The following MGRN1 variants were observed in gnomAD, a reference collection of about 807,000 sequenced individuals.
MGRN1 encodes the protein mahogunin ring finger 1.
Under a neutral mutation model 69.2 loss-of-function variants are expected in MGRN1, and 29 were observed. The observed-to-expected ratio is 0.42, with a 90% CI of 0.31 to 0.57. The LOEUF is 0.57. MGRN1 is among the 20% of genes least tolerant of loss of function. The probability of loss-of-function intolerance (pLI) is 0.15; values close to 1 mark genes in which losing one functional copy is unlikely to be tolerated. For missense variants in MGRN1, 998 were observed against 796.2 expected (o/e 1.25, Z -3.05); for synonymous variants, 470 against 344.2 (o/e 1.37, Z -4.04).
In MGRN1 at chr16:4,664,711, G is replaced by T. The variant is rs1463902185; in HGVS notation, c.564G>T (p.Leu188=). ...ATTCTTGGCAACTCTCTCCTCAGCT[G>T]AACTTTGACCTGGACCGGGGCGTGT... The part of the protein sequence containing the change: ...IDFSEWKDDE[L]NFDLDRGVFP... The change falls in exon 6 of 17, where the codon CTG becomes CTT. Residue 188 remains leucine, a splice_region_variant and synonymous_variant. Transcript: ENST00000262370. The T allele has an allele frequency of 2.5e-6, 4 of 1,614,186 alleles. No homozygotes were observed. In the East Asian group the frequency reaches 8.9e-5, roughly 36 times the overall value.
At chr16:4,677,707 G>A (rs867119262) in intron 11 of MGRN1, 135 bp downstream of exon 11, 2 of 820,302 alleles carry the variant, frequency 2.4e-6, no homozygotes, top group African/African-American at 1.8e-5. Context: ...CCCCATGGAT[G>A]GCTGTGAGGC....
Position 4,689,386 on chromosome 16 carries a change from C to T in MGRN1, c.*478C>T, listed in dbSNP as rs145530786. On this transcript the variant is annotated 3_prime_UTR_variant, in exon 17 of 17. Coordinates refer to ENST00000262370, the MANE Select transcript of MGRN1 (RefSeq NM_015246.4). ...AGGAAACAGTGCCTGTCCACCCACCCTGCGTGTCACTGTGGCGGCCTGGCT... is the reference window on the plus strand; with the variant it reads ...AGGAAACAGTGCCTGTCCACCCACCTTGCGTGTCACTGTGGCGGCCTGGCT... 6.5e-6 allele frequency: 1 copy of T among 154,702 alleles called. No individual in the cohort carries two copies. The highest frequency in any genetic ancestry group is 2.4e-5 in the African/African-American group (1 of 41,552). 9.6% of individuals were successfully genotyped at this position (154,702 alleles called of 1,614,324 possible).
At chr16:4,637,345 G>A (rs1898354287) in intron 1 of MGRN1, among the ~76,000 whole-genome samples, 4 of 151,936 alleles carry the variant, frequency 2.6e-5, no homozygotes, top group East Asian at 1.9e-4. Context: ...CAGGAGAATC[G>A]CTTGAACCTG....
At chr16:4,642,593 G>A (rs2078185518) in intron 1 of MGRN1, among the ~76,000 whole-genome samples, 2 of 151,774 alleles carry the variant, frequency 1.3e-5, no homozygotes, top group African/African-American at 4.8e-5. Flanking sequence ...CAAAGTGCTG[G>A]GATTACAGGC....
chr16:4,630,104 C>G (rs940714242), intron 1 of MGRN1, among the ~76,000 whole-genome samples: 1 of 147,312 alleles, frequency 6.8e-6, no homozygotes, highest in African/African-American at 2.5e-5. Flanking sequence ...GTAATCCTAG[C>G]ACTTTGGGAG....
At chr16:4,654,897 G>T (rs1016395397) in intron 4 of MGRN1, among the ~76,000 whole-genome samples, 27 of 152,362 alleles carry the variant, frequency 1.8e-4, no homozygotes, top group African/African-American at 6.0e-4. Flanking sequence ...GCACTTTGGG[G>T]AGGAACAGGT....
At chr16:4,687,381 TGAA>T in intron 16 of MGRN1, 1 of 925,416 alleles carries the variant, frequency 1.1e-6, no homozygotes, top group South Asian at 4.9e-5. Flanking sequence ...CCCCTCTCTA[TGAA>T]AAATAAAAAA....
At position 4,681,706 on chromosome 16, in the gene MGRN1, C is replaced by G. The variant is rs1367458058; in HGVS notation, c.1288C>G (p.Leu430Val). ...SDGLSQASCPLAAIDHILDSS... is the reference protein window; with the variant it reads ...SDGLSQASCPVAAIDHILDSS... ...CGGCCTGTCCCAGGCCAGCTGTCCC[C>G]TCGCGGCTATCGACCACATCCTGGA... Residue 430 changes from leucine to valine, a missense_variant, in exon 13 of 17, where the codon CTC becomes GTC. Coordinates refer to ENST00000262370, the MANE Select transcript of MGRN1 (RefSeq NM_015246.4). The G allele has an allele frequency of 1.9e-6, 3 of 1,613,228 alleles. No homozygotes were observed. The African/African-American group carries it at 4.0e-5, about 22-fold the overall frequency.
chr16:4,657,102 A>C, intron 4 of MGRN1, 144 bp from the exon 5 acceptor site: 1 of 745,168 alleles, frequency 1.3e-6, no homozygotes. Context: ...CCACGTGGCC[A>C]TGTAGGCTGT....
intron 1 of MGRN1, among the ~76,000 whole-genome samples, chr16:4,637,072 T>C (rs1391967912): frequency 6.9e-6 from 1 of 144,428 alleles, no homozygotes; most frequent in Non-Finnish European, 1.5e-5. Flanking sequence ...TGAGTCAAGA[T>C]TGCGCCACTG....
At chr16:4,639,196 G>T (rs2078103626) in intron 1 of MGRN1, among the ~76,000 whole-genome samples, 2 of 152,252 alleles carry the variant, frequency 1.3e-5, no homozygotes, top group Admixed American at 1.3e-4. Flanking sequence ...AGTTGAGGAT[G>T]ATGCCTACTT....
At chr16:4,662,843 T>C (rs2078713311) in intron 5 of MGRN1, among the ~76,000 whole-genome samples, 1 of 152,134 alleles carries the variant, frequency 6.6e-6, no homozygotes, top group South Asian at 2.1e-4. Context: ...GGGCGGGTGC[T>C]TGGCTGCGGG....
At chr16:4,644,472 G>C (rs2141860219) in intron 1 of MGRN1, among the ~76,000 whole-genome samples, 1 of 151,878 alleles carries the variant, frequency 6.6e-6, no homozygotes, top group South Asian at 2.1e-4. Context: ...CACCACGCCT[G>C]GGTAATTTTG....
chr16:4,645,587 A>T (rs1364276358), intron 1 of MGRN1, among the ~76,000 whole-genome samples: 3 of 152,146 alleles, frequency 2.0e-5, no homozygotes, highest in Non-Finnish European at 2.9e-5. Flanking sequence ...GAGTGGAAAG[A>T]TTGGTTGGCA....
At chr16:4,656,858 C>T (rs894124779) in intron 4 of MGRN1, among the ~76,000 whole-genome samples, 11 of 151,600 alleles carry the variant, frequency 7.3e-5, no homozygotes, top group South Asian at 2.1e-4. Context: ...CCAGCCCAGG[C>T]GACAGAGCGA....
intron 4 of MGRN1, among the ~76,000 whole-genome samples, chr16:4,655,661 T>G (rs981092682): frequency 4.0e-5 from 6 of 148,424 alleles, no homozygotes; most frequent in African/African-American, 1.5e-4. Context: ...ACTGTCCCCC[T>G]CTCTCAGGAC....
intron 1 of MGRN1, among the ~76,000 whole-genome samples, chr16:4,638,259 G>GT (rs1403375730): frequency 1.3e-5 from 2 of 152,088 alleles, no homozygotes; most frequent in African/African-American, 4.8e-5. Context: ...GAGGTCAGGA[G>GT]TTTGAGACCA....
At chr16:4,686,628 G>T (rs1271276936) in intron 16 of MGRN1, 10 of 1,169,488 alleles carry the variant, frequency 8.6e-6, no homozygotes, top group Non-Finnish European at 1.1e-5. Flanking sequence ...GCCCAGGTGC[G>T]CCAGAGCCAC....
At chr16:4,676,406 T>A (rs2141960917) in intron 10 of MGRN1, among the ~76,000 whole-genome samples, 1 of 152,326 alleles carries the variant, frequency 6.6e-6, no homozygotes, top group South Asian at 2.1e-4. Context: ...GCAGGGCTGC[T>A]TTCCAGGGAG....
Sources: gnomAD v4.1 joint callset for allele counts (sites outside exome capture counted in the v4.1 genomes callset) on GRCh38, gnomAD v4.1.1 for gene constraint, MANE v1.5 for transcripts, NCBI Gene and HGNC (gene_info 2026-07-23, HGNC 2026-07-21) for gene names.